The following SPOCK3 variants were observed in gnomAD, a reference collection of about 807,000 sequenced individuals.
SPOCK3 encodes the protein testican-3.
Under a neutral mutation model 56.6 loss-of-function variants are expected in SPOCK3, and 30 were observed. The observed-to-expected ratio is 0.53, with a 90% CI of 0.40 to 0.72. SPOCK3 has a LOEUF of 0.72. Ranked by LOEUF, SPOCK3 falls within the 30% of genes least tolerant of loss-of-function variation. SPOCK3 has a pLI of 0.00. For missense variants in SPOCK3, 527 were observed against 530.0 expected (o/e 0.99, Z 0.06); for synonymous variants, 196 against 183.3 (o/e 1.07, Z -0.56).
At chr4:167,205,501 A>ATATTATATAATATATATTATATATAT (rs1265995898) in intron 2 of SPOCK3, among the ~76,000 whole-genome samples, 1 of 56,762 alleles carries the variant, frequency 1.8e-5, no homozygotes, top group South Asian at 4.2e-4. Flanking sequence ...TATATAATAT[A>ATATTATATAATATATATTATATATAT]TATTATATAA....
intron 2 of SPOCK3, among the ~76,000 whole-genome samples, chr4:167,119,055 A>G (rs1464791431): frequency 6.7e-6 from 1 of 149,580 alleles, no homozygotes; most frequent in Admixed American, 6.7e-5. Flanking sequence ...TCATGTTCCC[A>G]AGTACATGAA....
chr4:167,185,841 T>C (rs1474519940), intron 2 of SPOCK3, among the ~76,000 whole-genome samples: 1 of 152,204 alleles, frequency 6.6e-6, no homozygotes, highest in South Asian at 2.1e-4. Flanking sequence ...AATGCAAATA[T>C]TATTTCATTT....
At chr4:166,921,411 C>T (rs931944561) in intron 4 of SPOCK3, among the ~76,000 whole-genome samples, 4 of 151,912 alleles carry the variant, frequency 2.6e-5, no homozygotes, top group South Asian at 2.1e-4. Flanking sequence ...TTCTACCTCC[C>T]GGGTTCAAGC....
At chr4:166,985,228 G>A (rs1747018710) in intron 4 of SPOCK3, among the ~76,000 whole-genome samples, 1 of 151,976 alleles carries the variant, frequency 6.6e-6, no homozygotes, top group African/African-American at 2.4e-5. Context: ...CCTCCACAAT[G>A]AAAATTCAAC....
intron 3 of SPOCK3, among the ~76,000 whole-genome samples, chr4:167,057,089 C>A (rs983500976): frequency 2.0e-5 from 3 of 152,126 alleles, no homozygotes; most frequent in Non-Finnish European, 2.9e-5. Context: ...GCGGATCTCT[C>A]GGCAGAAACT....
chr4:167,006,194 C>CA (rs1749456955), intron 3 of SPOCK3, among the ~76,000 whole-genome samples: 1 of 152,006 alleles, frequency 6.6e-6, no homozygotes, highest in African/African-American at 2.4e-5. Flanking sequence ...AATTATAGAT[C>CA]AAATACAATG....
chr4:167,203,881 C>T (rs1733769104), intron 2 of SPOCK3, among the ~76,000 whole-genome samples: 1 of 152,092 alleles, frequency 6.6e-6, no homozygotes, highest in Admixed American at 6.6e-5. Flanking sequence ...AAATGATACA[C>T]TACTATTTAA....
At chr4:167,150,023 A>T (rs1764285241) in intron 2 of SPOCK3, among the ~76,000 whole-genome samples, 1 of 152,104 alleles carries the variant, frequency 6.6e-6, no homozygotes, top group South Asian at 2.1e-4. Context: ...AAAGCATCTG[A>T]CTGACAATAA....
intron 6 of SPOCK3, among the ~76,000 whole-genome samples, chr4:166,794,210 C>CAAAAAGAAAAAA: frequency 1.4e-5 from 1 of 73,612 alleles, no homozygotes; most frequent in Non-Finnish European, 2.5e-5. Context: ...GGTGATAAGG[C>CAAAAAGAAAAAA]AAAAAAAAAA....
chr4:166,754,803 T>C lies in SPOCK3; in HGVS notation c.710-74A>G, dbSNP rs115528600. On this transcript the variant is annotated intron_variant, in intron 7 of 10. Coordinates refer to ENST00000357545, the MANE Select transcript of SPOCK3 (RefSeq NM_001040159.2). ...TAGCAGAAAGCAAAATAAGTCAACA[T>C]AGCAGGTAGCTAGTGTAGGACATCT... The C allele has an allele frequency of 1.6e-3, 2,115 of 1,358,710 alleles. 32 individuals carry two copies. In the African/African-American group the frequency reaches 0.026, roughly 17 times the overall value. The allele number at this position is 1,358,710 out of a possible 1,614,324, so 84.2% of individuals were successfully genotyped here.
chr4:166,739,159 A>G (rs1482804659), intron 9 of SPOCK3, among the ~76,000 whole-genome samples: 1 of 152,200 alleles, frequency 6.6e-6, no homozygotes, highest in Admixed American at 6.5e-5. Flanking sequence ...AATGATTCCC[A>G]TTCTAACCGG....
chr4:166,738,912 T>C (rs964821690), intron 9 of SPOCK3, among the ~76,000 whole-genome samples: 1 of 152,008 alleles, frequency 6.6e-6, no homozygotes, highest in African/African-American at 2.4e-5. Flanking sequence ...CTATTGTAAA[T>C]AGTGCCACAA....
intron 6 of SPOCK3, among the ~76,000 whole-genome samples, chr4:166,843,437 C>T (rs1306107912): frequency 6.6e-6 from 1 of 152,194 alleles, no homozygotes; most frequent in Non-Finnish European, 1.5e-5. Context: ...TCAAAAAGGA[C>T]ATCAGTACGT....
chr4:167,036,482 AC>A (rs1037742363), intron 3 of SPOCK3, among the ~76,000 whole-genome samples: 7 of 152,350 alleles, frequency 4.6e-5, no homozygotes, highest in South Asian at 2.1e-4. Context: ...ACACAAAAAA[AC>A]AATTTTTAAA....
intron 4 of SPOCK3, among the ~76,000 whole-genome samples, chr4:166,916,671 C>A (rs138257451): frequency 6.6e-6 from 1 of 151,986 alleles, no homozygotes; most frequent in South Asian, 2.1e-4. Context: ...CACAAAAAAC[C>A]CTCTCATTCT....
intron 2 of SPOCK3, among the ~76,000 whole-genome samples, chr4:167,153,951 C>T (rs1353155043): frequency 6.6e-6 from 1 of 152,142 alleles, no homozygotes; most frequent in Non-Finnish European, 1.5e-5. Flanking sequence ...TTTCCATACT[C>T]CTCTCTGCTT....
chr4:166,932,715 C>A (rs59898202), intron 4 of SPOCK3, among the ~76,000 whole-genome samples: 24,423 of 151,998 alleles, frequency 0.16, 3,594 homozygotes, highest in African/African-American at 0.39. Context: ...AATGTAGTCT[C>A]TTTGATCTAT....
chr4:167,121,688 A>G (rs192990960), intron 2 of SPOCK3, among the ~76,000 whole-genome samples: 1 of 152,282 alleles, frequency 6.6e-6, no homozygotes, highest in African/African-American at 2.4e-5. Context: ...AGTAGGATTC[A>G]TGTTCATCTA....
chr4:166,788,748 C>A (rs1741006357), intron 7 of SPOCK3, among the ~76,000 whole-genome samples: 1 of 151,464 alleles, frequency 6.6e-6, no homozygotes, highest in Non-Finnish European at 1.5e-5. Context: ...ACAAGATATA[C>A]AAGACGTTTT....
Sources: gnomAD v4.1 joint callset for allele counts (sites outside exome capture counted in the v4.1 genomes callset) on GRCh38, gnomAD v4.1.1 for gene constraint, MANE v1.5 for transcripts, NCBI Gene and HGNC (gene_info 2026-07-23, HGNC 2026-07-21) for gene names.